The following FTCDNL1 variants were observed in gnomAD, a reference collection of about 807,000 sequenced individuals.
FTCDNL1 encodes the protein formiminotransferase N-terminal subdomain-containing protein.
Under a neutral mutation model 5.9 loss-of-function variants are expected in FTCDNL1, and 11 were observed. The observed-to-expected ratio is 1.87, with a 90% CI of 1.18 to 3.10. The LOEUF (loss-of-function observed/expected upper bound fraction) is 3.10, where lower values mean the gene tolerates loss of function less well. Among genes scored for constraint, FTCDNL1 ranks in the 30% most tolerant of loss-of-function variants. The pLI, the probability that FTCDNL1 is intolerant of heterozygous loss-of-function variation, is 0.00. For synonymous variants in FTCDNL1, 58 were observed against 24.8 expected (o/e 2.34, Z -3.99); for missense variants, 115 against 65.5 (o/e 1.76, Z -2.61).
At chr2:199,695,123 C>A in the FTCDNL1 span, among the ~76,000 whole-genome samples, 2 of 152,152 alleles carry the variant, frequency 1.3e-5, no homozygotes, top group Non-Finnish European at 2.9e-5. Flanking sequence ...GCAAGTCAAG[C>A]GACTAATCCC....
chr2:199,686,436 T>C, the FTCDNL1 span, among the ~76,000 whole-genome samples: 1 of 152,216 alleles, frequency 6.6e-6, no homozygotes, highest in Non-Finnish European at 1.5e-5. Context: ...TCCATTACTT[T>C]AGCCTGAGAT....
At chr2:199,845,547 G>C (rs1285958040) in intron 3 of FTCDNL1, among the ~76,000 whole-genome samples, 1 of 151,976 alleles carries the variant, frequency 6.6e-6, no homozygotes, top group Non-Finnish European at 1.5e-5. Flanking sequence ...CTCCAGTCTG[G>C]GTGATGGAGT....
At chr2:199,736,716 A>G in the FTCDNL1 span, among the ~76,000 whole-genome samples, 5 of 152,228 alleles carry the variant, frequency 3.3e-5, no homozygotes, top group Non-Finnish European at 5.9e-5. Context: ...GACTAGTGTC[A>G]TTCGGCATCA....
chr2:199,712,442 T>C, the FTCDNL1 span, among the ~76,000 whole-genome samples: 1 of 152,214 alleles, frequency 6.6e-6, no homozygotes, highest in Non-Finnish European at 1.5e-5. Context: ...AGAAGCCTTC[T>C]ACCTAGAATG....
At chr2:199,752,758 GTGTGTGTGTGTGTGTGTGTGTGTA>G in the FTCDNL1 span, among the ~76,000 whole-genome samples, 15 of 147,876 alleles carry the variant, frequency 1.0e-4, no homozygotes, top group South Asian at 4.4e-4. Flanking sequence ...GTGTGTGTGT[GTGTGTGTGTGTGTGTGTGTGTGTA>G]TGTGTGTGTG....
the FTCDNL1 span, among the ~76,000 whole-genome samples, chr2:199,729,522 A>G: frequency 1.3e-3 from 199 of 152,074 alleles, no homozygotes; most frequent in Non-Finnish European, 2.4e-3. Context: ...TTCAAAATCA[A>G]TGTGCAAAAA....
the FTCDNL1 span, among the ~76,000 whole-genome samples, chr2:199,691,334 G>A: frequency 1.8e-4 from 27 of 152,110 alleles, no homozygotes; most frequent in Middle Eastern, 3.4e-3. Context: ...CACCACACCC[G>A]GCTAATTTTT....
intron 1 of FTCDNL1, 64 bp from the exon 2 acceptor site, chr2:199,849,033 T>C (rs1030588457): frequency 8.8e-5 from 58 of 660,160 alleles, no homozygotes; most frequent in Admixed American, 7.1e-4. Context: ...GTTTTAACTA[T>C]AAAAAAATCA....
At chr2:199,717,536 T>G in the FTCDNL1 span, among the ~76,000 whole-genome samples, 1 of 96,376 alleles carries the variant, frequency 1.0e-5, no homozygotes. Flanking sequence ...TTTTTTTTTT[T>G]GCTTCCTCAC....
chr2:199,714,877 G>A, the FTCDNL1 span, among the ~76,000 whole-genome samples: 2 of 150,848 alleles, frequency 1.3e-5, no homozygotes, highest in African/African-American at 4.9e-5. Context: ...CTCACTCATA[G>A]GTGGGAAATG....
chr2:199,691,726 G>A, the FTCDNL1 span, among the ~76,000 whole-genome samples: 43 of 152,134 alleles, frequency 2.8e-4, no homozygotes, highest in African/African-American at 7.7e-4. Flanking sequence ...TTATAACTAC[G>A]GTCAATCATT....
chr2:199,754,288 G>C, the FTCDNL1 span, among the ~76,000 whole-genome samples: 18 of 152,158 alleles, frequency 1.2e-4, no homozygotes, highest in African/African-American at 3.9e-4. Flanking sequence ...TGGGAGGAGC[G>C]GAAGGAATGT....
rs1308772062 is a variant in FTCDNL1, at chr2:199,850,994, C to G, written c.-262G>C. 1.3e-5 allele frequency: 2 copies of G among 151,916 alleles called. No homozygotes were observed. The highest frequency in any genetic ancestry group is 2.9e-5 in the Non-Finnish European group (2 of 67,886). 9.4% of individuals were successfully genotyped at this position (151,916 alleles called of 1,614,324 possible). A position where few individuals can be genotyped will look rare whatever the true frequency, so the allele number is the denominator to read the frequency against. On this transcript the variant is annotated 5_prime_UTR_variant, in exon 1 of 5. Coordinates refer to ENST00000420128, the MANE Select transcript of FTCDNL1 (RefSeq NM_001363886.2). ...GTGGCGCCTGGGAGCGAGGGGCAGC[C>G]GGCGGCTGCGCTGCCCCGGCCGAGC...
chr2:199,774,027 G>A (rs994754073), intron 3 of FTCDNL1, among the ~76,000 whole-genome samples: 69 of 152,308 alleles, frequency 4.5e-4, no homozygotes. Flanking sequence ...TCCCTGGAAT[G>A]TAGTCAGCTG....
chr2:199,728,637 C>A, the FTCDNL1 span, among the ~76,000 whole-genome samples: 8 of 152,060 alleles, frequency 5.3e-5, no homozygotes, highest in South Asian at 1.7e-3. Flanking sequence ...TTAGACAATG[C>A]AAAGTGGGAG....
chr2:199,821,919 A>G (rs1701716361), intron 3 of FTCDNL1, among the ~76,000 whole-genome samples: 1 of 152,232 alleles, frequency 6.6e-6, no homozygotes, highest in Non-Finnish European at 1.5e-5. Context: ...CATACCTCAG[A>G]GATATTGTGG....
At chr2:199,781,560 C>A (rs1242142813) in intron 3 of FTCDNL1, among the ~76,000 whole-genome samples, 1 of 152,050 alleles carries the variant, frequency 6.6e-6, no homozygotes, top group East Asian at 1.9e-4. Context: ...TGTAGAATAT[C>A]TAGGCAGTTC....
chr2:199,749,834 GT>G, the FTCDNL1 span, among the ~76,000 whole-genome samples: 26 of 152,014 alleles, frequency 1.7e-4, no homozygotes, highest in African/African-American at 6.3e-4. Context: ...GCATTGTGTG[GT>G]TTCCACCAGA....
At chr2:199,838,318 T>C (rs1264546548) in intron 3 of FTCDNL1, among the ~76,000 whole-genome samples, 6 of 152,182 alleles carry the variant, frequency 3.9e-5, no homozygotes, top group Non-Finnish European at 8.8e-5. Context: ...GTGAATGCAT[T>C]GTTCCTGAAA....
Sources: allele counts gnomAD v4.1 joint callset (sites outside exome capture counted in the v4.1 genomes callset), GRCh38; gene constraint gnomAD v4.1.1; transcripts MANE v1.5; gene names NCBI Gene and HGNC (gene_info 2026-07-23, HGNC 2026-07-21).